GRID2: variants seen among roughly 807,000 people sequenced by gnomAD.
GRID2 encodes glutamate receptor ionotropic, delta-2.
GRID2 carries 33 observed loss-of-function variants against 114.8 expected under a neutral mutation model. The ratio of observed to expected loss-of-function variants is 0.29; its 90% confidence interval spans 0.22 to 0.38. The LOEUF is 0.38. Among genes scored for constraint, GRID2 ranks in the 10% least tolerant of loss-of-function variants. The pLI, the probability that GRID2 is intolerant of heterozygous loss-of-function variation, is 1.00. For missense variants in GRID2, 1,184 were observed against 1,257.7 expected (o/e 0.94, Z 0.89); for synonymous variants, 505 against 449.9 (o/e 1.12, Z -1.55).
At chr4:93,373,871 G>A (rs532339907) in intron 8 of GRID2, among the ~76,000 whole-genome samples, 17 of 152,236 alleles carry the variant, frequency 1.1e-4, no homozygotes, top group Non-Finnish European at 1.9e-4. Flanking sequence ...GTAGCAAGGT[G>A]CTTTTGCTGA....
chr4:93,397,184 G>A (rs1052004131), intron 9 of GRID2, among the ~76,000 whole-genome samples: 9 of 151,946 alleles, frequency 5.9e-5, no homozygotes, highest in Admixed American at 1.3e-4. Flanking sequence ...ACATTCAAGT[G>A]AGTGACCTAT....
At chr4:93,496,771 T>A (rs746050371) in intron 12 of GRID2, among the ~76,000 whole-genome samples, 3 of 151,884 alleles carry the variant, frequency 2.0e-5, no homozygotes, top group Non-Finnish European at 4.4e-5. Context: ...GGTTTAGCAA[T>A]TTACTTACTG....
chr4:93,720,213 T>C (rs1729234227), intron 14 of GRID2, among the ~76,000 whole-genome samples: 1 of 152,220 alleles, frequency 6.6e-6, no homozygotes, highest in South Asian at 2.1e-4. Flanking sequence ...AGGCCATTCA[T>C]TCCTGATAGT....
chr4:93,602,888 G>T (rs1578370578), intron 13 of GRID2, among the ~76,000 whole-genome samples: 2 of 152,302 alleles, frequency 1.3e-5, no homozygotes, highest in East Asian at 3.9e-4. Flanking sequence ...AATTAAATGT[G>T]CTACTCCAAT....
intron 4 of GRID2, among the ~76,000 whole-genome samples, chr4:93,191,116 A>G (rs886921630): frequency 6.6e-6 from 1 of 152,074 alleles, no homozygotes; most frequent in African/African-American, 2.4e-5. Context: ...ATAAAATTTA[A>G]TAAAATTAGA....
intron 1 of GRID2, among the ~76,000 whole-genome samples, chr4:92,436,364 TA>T (rs1394651674): frequency 6.6e-6 from 1 of 152,072 alleles, no homozygotes; most frequent in Non-Finnish European, 1.5e-5. Flanking sequence ...GATGTGGCAA[TA>T]AAAAAAGTCT....
At chr4:92,449,702 T>TATATATATATAC in intron 1 of GRID2, among the ~76,000 whole-genome samples, 1 of 140,382 alleles carries the variant, frequency 7.1e-6, no homozygotes, top group African/African-American at 2.6e-5. Context: ...TATATATATA[T>TATATATATATAC]ATATATATAA....
chr4:92,667,191 G>A (rs1346176378), intron 2 of GRID2, among the ~76,000 whole-genome samples: 1 of 151,584 alleles, frequency 6.6e-6, no homozygotes, highest in African/African-American at 2.4e-5. Flanking sequence ...TAAGTTACAT[G>A]GGAAAGATTT....
intron 1 of GRID2, among the ~76,000 whole-genome samples, chr4:92,463,452 C>T (rs1721594074): frequency 6.6e-6 from 1 of 151,998 alleles, no homozygotes. Context: ...TTTCATCATT[C>T]AGACAACTTT....
chr4:93,668,123 T>C (rs1724102748), intron 14 of GRID2, among the ~76,000 whole-genome samples: 1 of 152,054 alleles, frequency 6.6e-6, no homozygotes, highest in Non-Finnish European at 1.5e-5. Flanking sequence ...CTTAGTAATA[T>C]TTTAGTTTTC....
chr4:93,721,706 T>A (rs567211003), intron 14 of GRID2, among the ~76,000 whole-genome samples: 1 of 152,270 alleles, frequency 6.6e-6, no homozygotes, highest in Non-Finnish European at 1.5e-5. Context: ...TAGTTGCTGT[T>A]GTAACTGTAT....
At chr4:93,689,123 G>A (rs1726326936) in intron 14 of GRID2, among the ~76,000 whole-genome samples, 3 of 151,982 alleles carry the variant, frequency 2.0e-5, no homozygotes, top group Non-Finnish European at 2.9e-5. Context: ...GGGAGGAGGT[G>A]ACCATCTACC....
At chr4:93,361,974 C>T (rs1342528293) in intron 8 of GRID2, among the ~76,000 whole-genome samples, 3 of 151,996 alleles carry the variant, frequency 2.0e-5, no homozygotes, top group Admixed American at 1.3e-4. Context: ...CTATTTATCC[C>T]GATGCTTTCC....
intron 8 of GRID2, among the ~76,000 whole-genome samples, chr4:93,270,201 C>T (rs1170551349): frequency 7.4e-6 from 1 of 135,064 alleles, no homozygotes; most frequent in South Asian, 2.4e-4. Flanking sequence ...TAATCTCTCT[C>T]TCTCACACAC....
chr4:93,285,266 T>C (rs2149134257), intron 8 of GRID2, among the ~76,000 whole-genome samples: 1 of 152,206 alleles, frequency 6.6e-6, no homozygotes, highest in South Asian at 2.1e-4. Flanking sequence ...GACCAACTTT[T>C]TCATAGAACA....
intron 8 of GRID2, among the ~76,000 whole-genome samples, chr4:93,316,964 AAGAAACCAGACC>A (rs1281610902): frequency 4.6e-5 from 7 of 152,140 alleles, no homozygotes; most frequent in Non-Finnish European, 8.8e-5. Flanking sequence ...ATTCCTTACT[AAGAAACCAGACC>A]ATAACTAAGA....
intron 4 of GRID2, among the ~76,000 whole-genome samples, chr4:93,112,818 C>A (rs1732896530): frequency 6.6e-6 from 1 of 152,078 alleles, no homozygotes; most frequent in Admixed American, 6.5e-5. Context: ...TAGATGAATT[C>A]TTTTTCCAAT....
chr4:93,296,173 A>G (rs1754290547), intron 8 of GRID2, among the ~76,000 whole-genome samples: 4 of 152,098 alleles, frequency 2.6e-5, no homozygotes, highest in African/African-American at 7.2e-5. Flanking sequence ...GCTGCCATGC[A>G]TTTGTTGGTG....
rs188724528 is a variant in GRID2, at chr4:92,804,967, A to G, written c.244+214681A>G. ...TATGTGGTTATTTGTTATTGCCTAA[A>G]CTCCATTGCTAATACTTATACTGGC... On this transcript the variant is annotated intron_variant, in intron 2 of 15. Transcript: ENST00000282020. 1.1e-3 allele frequency among the ~76,000 whole-genome samples: 160 copies of G among 152,014 alleles called. 1 individual carries two copies. Among genetic ancestry groups the G allele is most frequent in the Non-Finnish European group, 1.8e-3 (125 of 67,906 alleles).
Sources: gnomAD v4.1 joint callset for allele counts (sites outside exome capture counted in the v4.1 genomes callset) on GRCh38, gnomAD v4.1.1 for gene constraint, MANE v1.5 for transcripts, NCBI Gene and HGNC (gene_info 2026-07-23, HGNC 2026-07-21) for gene names.